Variants in FBXO34 observed in about 807,000 individuals in gnomAD.
The protein encoded by FBXO34 is F-box protein 34, also known as F-box only protein 34.
FBXO34 carries 12 observed loss-of-function variants against 24.5 expected under a neutral mutation model. That is an observed-to-expected ratio of 0.49 (90% CI 0.31 to 0.79). The LOEUF (loss-of-function observed/expected upper bound fraction) is 0.79, where lower values mean the gene tolerates loss of function less well. FBXO34 is among the 30% of genes least tolerant of loss of function. The pLI is 0.04. For synonymous variants in FBXO34, 320 were observed against 311.9 expected (o/e 1.03, Z -0.27); for missense variants, 823 against 857.7 (o/e 0.96, Z 0.51).
the FBXO34 span, chr14:55,436,766 G>A: frequency 6.2e-7 from 1 of 1,614,190 alleles, no homozygotes; most frequent in Non-Finnish European, 8.5e-7. Context: ...CTGGGTGATG[G>A]CAACCTACTT....
chr14:55,359,000 G>A (rs1423758198), intron 3 of FBXO34, among the ~76,000 whole-genome samples: 2 of 152,120 alleles, frequency 1.3e-5, no homozygotes, highest in Admixed American at 6.5e-5. Context: ...ACAAAGACAT[G>A]GCAGGGAAGG....
chr14:55,429,766 CAAAAAAAAAAAAA>C, the FBXO34 span, among the ~76,000 whole-genome samples: 1 of 52,394 alleles, frequency 1.9e-5, no homozygotes, highest in Non-Finnish European at 3.2e-5. Context: ...AACTCCGTCT[CAAAAAAAAAAAAA>C]AAAAAAAAAA....
chr14:55,321,584 A>G (rs1351146417), intron 1 of FBXO34, among the ~76,000 whole-genome samples: 1 of 152,000 alleles, frequency 6.6e-6, no homozygotes, highest in East Asian at 1.9e-4. Context: ...TTTTGTAGAG[A>G]TGGGATTTCA....
chr14:55,403,336 C>G, the FBXO34 span, among the ~76,000 whole-genome samples: 3 of 151,960 alleles, frequency 2.0e-5, no homozygotes, highest in African/African-American at 7.3e-5. Flanking sequence ...AATCAGACCA[C>G]AAAAAGAGAC....
At chr14:55,275,502 G>A (rs993484629) in intron 1 of FBXO34, among the ~76,000 whole-genome samples, 4 of 152,080 alleles carry the variant, frequency 2.6e-5, no homozygotes, top group African/African-American at 9.7e-5. Flanking sequence ...GGGTGTGAGA[G>A]GCTAGAGTTG....
At chr14:55,344,580 T>TA in intron 1 of FBXO34, among the ~76,000 whole-genome samples, 1 of 151,094 alleles carries the variant, frequency 6.6e-6, no homozygotes, top group East Asian at 1.9e-4. Context: ...AGTTCTGGGA[T>TA]ACATGTGCAG....
intron 1 of FBXO34, among the ~76,000 whole-genome samples, chr14:55,332,906 A>G (rs1307542965): frequency 6.6e-6 from 1 of 152,168 alleles, no homozygotes; most frequent in African/African-American, 2.4e-5. Flanking sequence ...GAGACTGGGG[A>G]GAAGGATTGA....
chr14:55,288,323 T>G (rs1315753015), intron 1 of FBXO34, among the ~76,000 whole-genome samples: 1 of 152,144 alleles, frequency 6.6e-6, no homozygotes, highest in Non-Finnish European at 1.5e-5. Context: ...TTATAATCAT[T>G]ACATAGAAAT....
chr14:55,346,949 T>G (rs1277568276), intron 1 of FBXO34, among the ~76,000 whole-genome samples: 3 of 152,122 alleles, frequency 2.0e-5, no homozygotes, highest in Non-Finnish European at 4.4e-5. Context: ...AGAATCCTAC[T>G]CTTACATTAG....
At chr14:55,363,239 T>C (rs2140105507), downstream of FBXO34, among the ~76,000 whole-genome samples, 1 of 151,678 alleles carries the variant, frequency 6.6e-6, no homozygotes, top group South Asian at 2.1e-4. Flanking sequence ...TTCATCATGT[T>C]GGCCAGGCTG....
At chr14:55,426,869 C>A in the FBXO34 span, among the ~76,000 whole-genome samples, 2 of 152,184 alleles carry the variant, frequency 1.3e-5, no homozygotes, top group South Asian at 2.1e-4. Flanking sequence ...CAAGGGGCAC[C>A]TATTCTAGAC....
chr14:55,281,920 A>G (rs893078562), intron 1 of FBXO34, among the ~76,000 whole-genome samples: 2 of 149,046 alleles, frequency 1.3e-5, no homozygotes, highest in East Asian at 4.0e-4. Flanking sequence ...TAGCTGGGCT[A>G]TGTAAATTTG....
intron 1 of FBXO34, among the ~76,000 whole-genome samples, chr14:55,280,748 G>C (rs568801624): frequency 1.3e-5 from 2 of 151,794 alleles, no homozygotes; most frequent in African/African-American, 2.4e-5. Flanking sequence ...GGATGGTCTC[G>C]ATCTCCTGAC....
chr14:55,426,486 T>G, the FBXO34 span, among the ~76,000 whole-genome samples: 21 of 152,058 alleles, frequency 1.4e-4, no homozygotes, highest in African/African-American at 4.8e-4. Flanking sequence ...TATAACTGAT[T>G]ATGTAGCATG....
the FBXO34 span, among the ~76,000 whole-genome samples, chr14:55,430,994 G>A: frequency 1.3e-5 from 2 of 152,314 alleles, no homozygotes; most frequent in Non-Finnish European, 2.9e-5. Context: ...ATAGTTGAAA[G>A]TCTATATACA....
the FBXO34 span, among the ~76,000 whole-genome samples, chr14:55,404,370 C>T: frequency 5.3e-5 from 8 of 152,308 alleles, no homozygotes; most frequent in East Asian, 1.4e-3. Flanking sequence ...CATGCTCTCT[C>T]TTAATCCTTA....
intron 1 of FBXO34, among the ~76,000 whole-genome samples, chr14:55,274,240 A>G (rs896669288): frequency 6.6e-6 from 1 of 152,158 alleles, no homozygotes; most frequent in East Asian, 1.9e-4. Context: ...GGAAGTTTTT[A>G]TTTTTCCTCA....
chr14:55,310,588 G>C (rs1882701277), intron 1 of FBXO34, among the ~76,000 whole-genome samples: 1 of 152,142 alleles, frequency 6.6e-6, no homozygotes, highest in African/African-American at 2.4e-5. Context: ...AGTGTACAAG[G>C]AATCTTTTAG....
the FBXO34 span, among the ~76,000 whole-genome samples, chr14:55,407,529 T>C: frequency 6.6e-6 from 1 of 152,206 alleles, no homozygotes; most frequent in Non-Finnish European, 1.5e-5. Context: ...CCTCCCAAAG[T>C]GCTGGGATTA....
Sources: gnomAD v4.1 joint callset for allele counts (sites outside exome capture counted in the v4.1 genomes callset) on GRCh38, gnomAD v4.1.1 for gene constraint, MANE v1.5 for transcripts, NCBI Gene and HGNC (gene_info 2026-07-23, HGNC 2026-07-21) for gene names.